ADAMTSL1: variants seen among roughly 807,000 people sequenced by gnomAD.
ADAMTSL1 encodes ADAMTS-like protein 1.
ADAMTSL1 carries 126 observed loss-of-function variants against 201.8 expected under a neutral mutation model. The observed-to-expected ratio is 0.62, with a 90% CI of 0.54 to 0.72. The LOEUF (loss-of-function observed/expected upper bound fraction) is 0.72. ADAMTSL1 is among the 30% of genes least tolerant of loss of function. The probability of loss-of-function intolerance (pLI) is 0.00; values close to 1 mark genes in which losing one functional copy is unlikely to be tolerated. For missense variants in ADAMTSL1, 2,679 were observed against 2,277.8 expected (o/e 1.18, Z -3.59); for synonymous variants, 1,121 against 903.4 (o/e 1.24, Z -4.32).
chr9:17,973,822 G>A (rs904163488), intron 1 of ADAMTSL1, among the ~76,000 whole-genome samples: 113 of 150,062 alleles, frequency 7.5e-4, no homozygotes, highest in African/African-American at 2.6e-3. Context: ...CCATTTGTTG[G>A]TGTCCTCTTT....
intron 1 of ADAMTSL1, among the ~76,000 whole-genome samples, chr9:18,139,702 C>T (rs866328161): frequency 6.6e-6 from 1 of 152,114 alleles, no homozygotes; most frequent in African/African-American, 2.4e-5. Flanking sequence ...ATATTTTAAC[C>T]TTATAAACTG....
intron 1 of ADAMTSL1, among the ~76,000 whole-genome samples, chr9:17,998,800 T>G (rs1328207312): frequency 6.6e-6 from 1 of 152,022 alleles, no homozygotes; most frequent in African/African-American, 2.4e-5. Flanking sequence ...CCCTTTGCTG[T>G]GATGTCTGCT....
At chr9:18,701,405 A>T (rs1234317716) in intron 13 of ADAMTSL1, among the ~76,000 whole-genome samples, 1 of 152,006 alleles carries the variant, frequency 6.6e-6, no homozygotes, top group Non-Finnish European at 1.5e-5. Flanking sequence ...TTTTTAGTAG[A>T]GACAGGGTTT....
chr9:18,193,868 G>A (rs1026858279), intron 2 of ADAMTSL1, among the ~76,000 whole-genome samples: 3 of 152,164 alleles, frequency 2.0e-5, no homozygotes, highest in Middle Eastern at 3.4e-3. Flanking sequence ...TATTAAAATT[G>A]TTTGCACACA....
chr9:18,556,593 A>C (rs1297063822), intron 3 of ADAMTSL1, among the ~76,000 whole-genome samples: 1 of 151,978 alleles, frequency 6.6e-6, no homozygotes, highest in African/African-American at 2.4e-5. Flanking sequence ...TCAAAGGACA[A>C]TCTAAAAGCA....
At chr9:18,040,849 GATGGCCACAA>G (rs1179968268) in intron 1 of ADAMTSL1, among the ~76,000 whole-genome samples, 2 of 152,108 alleles carry the variant, frequency 1.3e-5, no homozygotes, top group African/African-American at 2.4e-5. Context: ...GTGATCAACA[GATGGCCACAA>G]ATCTGAGGAT....
chr9:18,820,671 T>G (rs564231354), intron 21 of ADAMTSL1, among the ~76,000 whole-genome samples: 6 of 152,214 alleles, frequency 3.9e-5, no homozygotes, highest in Non-Finnish European at 8.8e-5. Context: ...TTAAACAACT[T>G]TTTGCGTACA....
chr9:18,423,623 A>G (rs1437991373), intron 2 of ADAMTSL1, among the ~76,000 whole-genome samples: 1 of 152,242 alleles, frequency 6.6e-6, no homozygotes, highest in Non-Finnish European at 1.5e-5. Context: ...GGTAAGAAAC[A>G]TAAAGAAAGC....
chr9:18,217,483 C>G (rs540128873), intron 2 of ADAMTSL1, among the ~76,000 whole-genome samples: 1 of 152,268 alleles, frequency 6.6e-6, no homozygotes, highest in South Asian at 2.1e-4. Flanking sequence ...CTTGTCTTTT[C>G]TTTCCTGCTT....
intron 4 of ADAMTSL1, among the ~76,000 whole-genome samples, chr9:18,581,772 G>A (rs914574741): frequency 2.0e-5 from 3 of 152,172 alleles, no homozygotes; most frequent in Admixed American, 6.5e-5. Context: ...CTGATACCGA[G>A]CAGGAAAAAA....
chr9:18,529,427 G>A (rs1819300152), intron 2 of ADAMTSL1, among the ~76,000 whole-genome samples: 1 of 152,080 alleles, frequency 6.6e-6, no homozygotes, highest in East Asian at 1.9e-4. Context: ...GATAGACTTA[G>A]GAGTTAGTCA....
At chr9:18,194,002 T>C (rs1298526258) in intron 2 of ADAMTSL1, among the ~76,000 whole-genome samples, 1 of 152,072 alleles carries the variant, frequency 6.6e-6, no homozygotes, top group Non-Finnish European at 1.5e-5. Flanking sequence ...ATAACAACCA[T>C]GATGATAGCA....
intron 7 of ADAMTSL1, among the ~76,000 whole-genome samples, chr9:18,657,194 C>T (rs62549398): frequency 6.6e-6 from 1 of 152,168 alleles, no homozygotes; most frequent in Non-Finnish European, 1.5e-5. Context: ...TTATTTAATT[C>T]TTCAACTCGT....
Position 18,843,239 on chromosome 9 carries a change from A to G in ADAMTSL1, c.4249+13262A>G, listed in dbSNP as rs1436818163. Among the ~76,000 whole-genome samples, 5 of 150,754 alleles carry G rather than the reference A, an allele frequency of 3.3e-5. 1 individual carries two copies. The highest frequency in any genetic ancestry group is 1.0e-4 in the African/African-American group (4 of 40,110). ...TTTTAGGGCAGGCCTGGTGGTGACA[A>G]AATCTCTCAGCATTTGCTTGTCTGT... is the stretch of plus-strand genomic sequence containing the variant. On this transcript the variant is annotated intron_variant, in intron 23 of 28. Transcript: ENST00000380548.
chr9:18,903,830 C>T (rs1830143299), intron 26 of ADAMTSL1, among the ~76,000 whole-genome samples: 1 of 151,104 alleles, frequency 6.6e-6, no homozygotes, highest in Admixed American at 6.6e-5. Context: ...ACATGGGTTT[C>T]ACATCCCAAG....
intron 2 of ADAMTSL1, among the ~76,000 whole-genome samples, chr9:18,528,419 A>G (rs1819232447): frequency 6.6e-6 from 1 of 152,014 alleles, no homozygotes; most frequent in Non-Finnish European, 1.5e-5. Context: ...CCTCACGTAT[A>G]CATGTGTTCT....
At chr9:18,319,323 A>C (rs1306094829) in intron 2 of ADAMTSL1, among the ~76,000 whole-genome samples, 1 of 152,208 alleles carries the variant, frequency 6.6e-6, no homozygotes, top group African/African-American at 2.4e-5. Context: ...TCTTTCAATT[A>C]TATTTATATT....
intron 1 of ADAMTSL1, among the ~76,000 whole-genome samples, chr9:18,003,118 G>A (rs2131536289): frequency 6.6e-6 from 1 of 152,100 alleles, no homozygotes; most frequent in Non-Finnish European, 1.5e-5. Context: ...AGGGAGCAGA[G>A]GCTGTGGGTA....
chr9:18,316,641 C>T lies in ADAMTSL1; in HGVS notation c.207+152660C>T, dbSNP rs141838605. 5.5e-3 allele frequency among the ~76,000 whole-genome samples: 837 copies of T among 152,032 alleles called. 9 individuals are homozygous for T. The highest frequency in any genetic ancestry group is 0.019 in the African/African-American group (808 of 41,466). On this transcript the variant is annotated intron_variant, in intron 2 of 29. Coordinates refer to the ADAMTSL1 transcript ENST00000680146. ...TTATCCTGTTCTTTTTTTCAAGGTG[C>T]CCAGATTTCATATTGCTCAAACACA...
Sources: gnomAD v4.1 joint callset for allele counts (sites outside exome capture counted in the v4.1 genomes callset) on GRCh38, gnomAD v4.1.1 for gene constraint, MANE v1.5 for transcripts, NCBI Gene and HGNC (gene_info 2026-07-23, HGNC 2026-07-21) for gene names.